RABGAP1L: variants seen among roughly 807,000 people sequenced by gnomAD.
The protein encoded by RABGAP1L is rab GTPase-activating protein 1-like.
Under a neutral mutation model 137.7 loss-of-function variants are expected in RABGAP1L, and 63 were observed. The observed-to-expected ratio is 0.46, with a 90% CI of 0.37 to 0.56. RABGAP1L has a LOEUF of 0.56. RABGAP1L is among the 20% of genes least tolerant of loss of function. The pLI is 0.00. For synonymous variants in RABGAP1L, 431 were observed against 433.7 expected (o/e 0.99, Z 0.08); for missense variants, 1,095 against 1,244.0 (o/e 0.88, Z 1.80).
intron 19 of RABGAP1L, among the ~76,000 whole-genome samples, chr1:174,937,420 G>T (rs1573912208): frequency 6.7e-6 from 1 of 148,550 alleles, no homozygotes; most frequent in East Asian, 2.0e-4. Flanking sequence ...AAGTAGCTGG[G>T]ATAATAGGTG....
intron 13 of RABGAP1L, among the ~76,000 whole-genome samples, chr1:174,617,670 A>G (rs1017542130): frequency 6.6e-6 from 1 of 152,238 alleles, no homozygotes; most frequent in Non-Finnish European, 1.5e-5. Flanking sequence ...GTCTTTTTCA[A>G]AATCCACATC....
intron 13 of RABGAP1L, among the ~76,000 whole-genome samples, chr1:174,587,228 T>C (rs1185262453): frequency 7.1e-6 from 1 of 141,768 alleles, no homozygotes; most frequent in Non-Finnish European, 1.5e-5. Context: ...TGTGTCTTTA[T>C]AGCAGCATGA....
chr1:174,752,105 T>C (rs989945549), intron 17 of RABGAP1L, among the ~76,000 whole-genome samples: 5 of 152,204 alleles, frequency 3.3e-5, no homozygotes, highest in African/African-American at 7.2e-5. Flanking sequence ...AACAATTTTA[T>C]GTGAACATTG....
chr1:174,256,705 C>T (rs534138517), intron 7 of RABGAP1L, among the ~76,000 whole-genome samples: 29 of 152,254 alleles, frequency 1.9e-4, no homozygotes, highest in Admixed American at 1.1e-3. Flanking sequence ...CCCTTGAACC[C>T]GGGAAGTGGT....
chr1:174,764,527 G>T (rs544769633), intron 18 of RABGAP1L, among the ~76,000 whole-genome samples: 2 of 152,266 alleles, frequency 1.3e-5, no homozygotes, highest in Admixed American at 1.3e-4. Context: ...TAAGTGCAAG[G>T]TCTCCTCCTT....
chr1:174,689,104 C>T (rs2148493396), intron 15 of RABGAP1L, among the ~76,000 whole-genome samples: 1 of 152,056 alleles, frequency 6.6e-6, no homozygotes, highest in African/African-American at 2.4e-5. Context: ...AGTTTATAAT[C>T]AAGTATTAAT....
At chr1:174,933,348 T>C (rs1664181936) in intron 19 of RABGAP1L, among the ~76,000 whole-genome samples, 2 of 152,082 alleles carry the variant, frequency 1.3e-5, no homozygotes, top group Admixed American at 1.3e-4. Context: ...GATGCCTTTC[T>C]GACATTCTGC....
At position 174,993,073 on chromosome 1, in the gene RABGAP1L, T is replaced by C. The variant is rs1043877356; in HGVS notation, c.*3072T>C. 4 of 152,232 alleles carry C rather than the reference T, an allele frequency of 2.6e-5. No homozygotes were observed. Among genetic ancestry groups the C allele is most frequent in the African/African-American group, 7.2e-5 (3 of 41,470 alleles). 9.4% of individuals were successfully genotyped at this position (152,232 alleles called of 1,614,324 possible). A position where few individuals can be genotyped will look rare whatever the true frequency, so the allele number is the denominator to read the frequency against. Reference sequence around the variant, plus strand: ...TTCATCAGCTTTTGTATCTTGAGAATCTAAACACGTCTTTAAATCTGAAAG... The same window carrying C: ...TTCATCAGCTTTTGTATCTTGAGAACCTAAACACGTCTTTAAATCTGAAAG... On this transcript the variant is annotated 3_prime_UTR_variant, in exon 26 of 26. Transcript: ENST00000681986.
chr1:174,611,285 T>TA (rs1478774973), intron 13 of RABGAP1L, among the ~76,000 whole-genome samples: 2 of 150,982 alleles, frequency 1.3e-5, no homozygotes, highest in Non-Finnish European at 3.0e-5. Flanking sequence ...GCTAGCCAGT[T>TA]TTCCCAGCAC....
intron 13 of RABGAP1L, among the ~76,000 whole-genome samples, chr1:174,524,093 A>G (rs1663664320): frequency 6.6e-6 from 1 of 152,208 alleles, no homozygotes; most frequent in African/African-American, 2.4e-5. Context: ...CTGTGATAAC[A>G]TGCAAGTACA....
chr1:174,743,396 A>G (rs1683610013), intron 17 of RABGAP1L, among the ~76,000 whole-genome samples: 1 of 152,216 alleles, frequency 6.6e-6, no homozygotes, highest in East Asian at 1.9e-4. Flanking sequence ...CTTCAAGACC[A>G]AAAACGTCAA....
At chr1:174,566,576 A>G (rs1213125289) in intron 13 of RABGAP1L, among the ~76,000 whole-genome samples, 1 of 152,164 alleles carries the variant, frequency 6.6e-6, no homozygotes, top group Non-Finnish European at 1.5e-5. Flanking sequence ...TCTTCTCTTT[A>G]TGCCTTATAT....
intron 13 of RABGAP1L, among the ~76,000 whole-genome samples, chr1:174,569,446 A>T (rs1013676025): frequency 6.6e-6 from 1 of 152,156 alleles, no homozygotes; most frequent in Non-Finnish European, 1.5e-5. Flanking sequence ...ATCCCTATGG[A>T]ACTTGGAAAA....
intron 13 of RABGAP1L, among the ~76,000 whole-genome samples, chr1:174,517,474 A>G (rs1662970867): frequency 6.6e-6 from 1 of 152,202 alleles, no homozygotes. Context: ...AACAAATTAT[A>G]TCACTGCAGT....
At chr1:174,712,650 C>G (rs770726527) in intron 17 of RABGAP1L, among the ~76,000 whole-genome samples, 1 of 152,178 alleles carries the variant, frequency 6.6e-6, no homozygotes, top group South Asian at 2.1e-4. Flanking sequence ...AGTGGTTTTC[C>G]CCTGCAGTCA....
At chr1:174,376,056 A>C (rs982269036) in intron 12 of RABGAP1L, among the ~76,000 whole-genome samples, 2 of 152,018 alleles carry the variant, frequency 1.3e-5, no homozygotes, top group African/African-American at 4.8e-5. Flanking sequence ...ACAGAGCAAG[A>C]CTCTGTCAGA....
Position 174,364,067 on chromosome 1 carries a change from G to A in RABGAP1L, c.1466-6912G>A, listed in dbSNP as rs192924274. On this transcript the variant is annotated intron_variant, in intron 11 of 25. Coordinates refer to ENST00000681986, the MANE Select transcript of RABGAP1L (RefSeq NM_001366446.1). ...CTGACCTTCTAGAGTAAGTCTGGAA[G>A]TATTCCCTCTTCCTCTGTTTTTCAG... 9.9e-5 allele frequency among the ~76,000 whole-genome samples: 15 copies of A among 151,798 alleles called. No individual in the cohort carries two copies. The East Asian group carries it at 2.9e-3, about 29-fold the overall frequency.
intron 13 of RABGAP1L, among the ~76,000 whole-genome samples, chr1:174,408,266 T>A (rs1416708842): frequency 1.3e-5 from 2 of 152,176 alleles, no homozygotes; most frequent in African/African-American, 4.8e-5. Flanking sequence ...CATCTTTATG[T>A]CCATGACTAC....
chr1:174,232,123 T>C (rs1670716186), intron 4 of RABGAP1L, among the ~76,000 whole-genome samples: 1 of 152,232 alleles, frequency 6.6e-6, no homozygotes, highest in African/African-American at 2.4e-5. Flanking sequence ...TTAAGTTATT[T>C]ACATTAGACT....
Sources: allele counts gnomAD v4.1 joint callset (sites outside exome capture counted in the v4.1 genomes callset), GRCh38; gene constraint gnomAD v4.1.1; transcripts MANE v1.5; gene names NCBI Gene and HGNC (gene_info 2026-07-23, HGNC 2026-07-21).